The following NDUFA10 variants were observed in gnomAD, a reference collection of about 807,000 sequenced individuals.
NDUFA10 encodes the protein NADH dehydrogenase [ubiquinone] 1 alpha subcomplex subunit 10, mitochondrial.
In NDUFA10, 40 loss-of-function variants were observed where a neutral mutation model predicts 47.8. The observed-to-expected ratio is 0.84, with a 90% CI of 0.65 to 1.09. The LOEUF is 1.09. Among genes scored for constraint, NDUFA10 ranks in the 50% least tolerant of loss-of-function variants. The probability of loss-of-function intolerance (pLI) is 0.00; values close to 1 mark genes in which losing one functional copy is unlikely to be tolerated. For synonymous variants in NDUFA10, 183 were observed against 172.2 expected (o/e 1.06, Z -0.49); for missense variants, 413 against 451.1 (o/e 0.92, Z 0.76).
intron 4 of NDUFA10, among the ~76,000 whole-genome samples, chr2:239,926,618 A>AC (rs1001785639): frequency 5.3e-5 from 8 of 151,620 alleles, no homozygotes; most frequent in African/African-American, 1.9e-4. Flanking sequence ...CTACTTATAA[A>AC]AAAAAATAGA....
chr2:239,976,211 T>G (rs1172175270), intron 9 of NDUFA10, among the ~76,000 whole-genome samples: 2 of 152,182 alleles, frequency 1.3e-5, no homozygotes, highest in Non-Finnish European at 2.9e-5. Flanking sequence ...TCTGCTATAT[T>G]TGAACTCCTC....
intron 9 of NDUFA10, chr2:239,982,099 G>A (rs748061929): frequency 6.2e-7 from 1 of 1,612,438 alleles, no homozygotes; most frequent in Non-Finnish European, 8.5e-7. Context: ...GCAAACCAGT[G>A]ACCTGACACG....
chr2:240,001,357 C>T (rs868683539), intron 8 of NDUFA10, among the ~76,000 whole-genome samples: 1 of 152,236 alleles, frequency 6.6e-6, no homozygotes, highest in South Asian at 2.1e-4. Flanking sequence ...TAATAATATA[C>T]CATAAACAGT....
intron 4 of NDUFA10, among the ~76,000 whole-genome samples, chr2:239,900,272 C>A (rs1480548815): frequency 8.4e-6 from 1 of 119,606 alleles, no homozygotes; most frequent in Non-Finnish European, 1.8e-5. Flanking sequence ...TGGGACTTCA[C>A]CTTGTGATCG....
At chr2:239,944,883 G>T (rs564257863) in intron 4 of NDUFA10, among the ~76,000 whole-genome samples, 2 of 152,146 alleles carry the variant, frequency 1.3e-5, no homozygotes, top group South Asian at 4.1e-4. Flanking sequence ...GCCACCATCC[G>T]CAATAGAAGG....
chr2:239,910,638 T>A (rs764956747), intron 4 of NDUFA10, among the ~76,000 whole-genome samples: 1 of 152,026 alleles, frequency 6.6e-6, no homozygotes, highest in Non-Finnish European at 1.5e-5. Flanking sequence ...GATGGGATGA[T>A]GTGTGCAGCA....
downstream of NDUFA10, among the ~76,000 whole-genome samples, chr2:239,953,506 C>T (rs189858682): frequency 2.6e-5 from 4 of 152,344 alleles, no homozygotes; most frequent in East Asian, 7.7e-4. Flanking sequence ...GCCGGGTGAC[C>T]TGAGCATGGT....
chr2:239,997,966 A>G (rs1574865821), intron 8 of NDUFA10, among the ~76,000 whole-genome samples: 1 of 152,254 alleles, frequency 6.6e-6, no homozygotes, highest in African/African-American at 2.4e-5. Flanking sequence ...GAAAAAATCA[A>G]ATTTTAAAAT....
chr2:239,903,128 T>G (rs1369332022), intron 4 of NDUFA10, among the ~76,000 whole-genome samples: 1 of 152,024 alleles, frequency 6.6e-6, no homozygotes, highest in African/African-American at 2.4e-5. Context: ...CTTGGTGAGG[T>G]CACCCTGAGG....
At chr2:239,990,888 G>C (rs1038741992) in intron 8 of NDUFA10, among the ~76,000 whole-genome samples, 4 of 151,890 alleles carry the variant, frequency 2.6e-5, no homozygotes, top group African/African-American at 9.7e-5. Flanking sequence ...TTTTTAAAAA[G>C]CATTTTTTCA....
intron 4 of NDUFA10, among the ~76,000 whole-genome samples, chr2:239,952,016 G>A (rs1158922143): frequency 6.6e-6 from 1 of 152,232 alleles, no homozygotes; most frequent in Non-Finnish European, 1.5e-5. Flanking sequence ...CTGGGGTGTG[G>A]GCCGGCAGGG....
chr2:239,904,933 G>A (rs13402622), intron 4 of NDUFA10, among the ~76,000 whole-genome samples: 106,117 of 152,030 alleles, frequency 0.7, 37,388 homozygotes, highest in East Asian at 0.93. Flanking sequence ...TCACACCGGC[G>A]TCTCACTGTG....
At chr2:239,971,136 T>G (rs2106408623) in intron 9 of NDUFA10, among the ~76,000 whole-genome samples, 1 of 152,346 alleles carries the variant, frequency 6.6e-6, no homozygotes, top group South Asian at 2.1e-4. Context: ...AAAAACATTC[T>G]CAAATGCTAC....
At chr2:239,950,319 G>A (rs978936444) in intron 4 of NDUFA10, among the ~76,000 whole-genome samples, 2 of 152,118 alleles carry the variant, frequency 1.3e-5, no homozygotes, top group Admixed American at 1.3e-4. Flanking sequence ...GTCCTTGAGC[G>A]GGCAAGAGGT....
intron 4 of NDUFA10, among the ~76,000 whole-genome samples, chr2:239,909,385 G>A (rs377427948): frequency 6.6e-6 from 1 of 152,200 alleles, no homozygotes; most frequent in African/African-American, 2.4e-5. Flanking sequence ...GGCCGAGGCA[G>A]GCAGATCACG....
intron 4 of NDUFA10, among the ~76,000 whole-genome samples, chr2:239,926,283 C>T (rs1694064432): frequency 6.6e-6 from 1 of 152,182 alleles, no homozygotes; most frequent in Non-Finnish European, 1.5e-5. Context: ...AACTGTGGTA[C>T]ACTGGTAATG....
chr2:239,948,868 T>G (rs1452615986), intron 4 of NDUFA10, among the ~76,000 whole-genome samples: 3 of 152,220 alleles, frequency 2.0e-5, no homozygotes, highest in East Asian at 3.9e-4. Context: ...TGTATTTATT[T>G]TGCAGGGAAC....
intron 4 of NDUFA10, among the ~76,000 whole-genome samples, chr2:239,950,935 A>G (rs991186640): frequency 6.6e-6 from 1 of 152,246 alleles, no homozygotes; most frequent in African/African-American, 2.4e-5. Context: ...GTTTCAAGTC[A>G]GCGTCCCACT....
chr2:239,954,949 G>A (rs540146647), downstream of NDUFA10, among the ~76,000 whole-genome samples: 5 of 152,282 alleles, frequency 3.3e-5, no homozygotes, highest in Middle Eastern at 3.4e-3. Context: ...GGTTCCTTTC[G>A]CCTGCTGTTG....
Sources: gnomAD v4.1 joint callset for allele counts (sites outside exome capture counted in the v4.1 genomes callset) on GRCh38, gnomAD v4.1.1 for gene constraint, MANE v1.5 for transcripts, NCBI Gene and HGNC (gene_info 2026-07-23, HGNC 2026-07-21) for gene names.